Variants in EPC1 observed in about 807,000 individuals in gnomAD.
The protein encoded by EPC1 is enhancer of polycomb 1, also known as enhancer of polycomb homolog 1.
In EPC1, 12 loss-of-function variants were observed where a neutral mutation model predicts 98.4. The ratio of observed to expected loss-of-function variants is 0.12; its 90% CI spans 0.08 to 0.20. The LOEUF is 0.20. Ranked by LOEUF, EPC1 falls within the 10% of genes least tolerant of loss-of-function variation. EPC1 has a pLI of 1.00. For missense variants in EPC1, 729 were observed against 990.5 expected (o/e 0.74, Z 3.54); for synonymous variants, 357 against 363.9 (o/e 0.98, Z 0.21).
intron 11 of EPC1, among the ~76,000 whole-genome samples, chr10:32,272,788 A>G (rs1835903424): frequency 6.6e-6 from 1 of 152,240 alleles, no homozygotes; most frequent in Admixed American, 6.5e-5. Context: ...CTTTAGGTTT[A>G]AAAGTTATCT....
rs115229739 is a variant in EPC1, at chr10:32,322,821, A to C, written c.154-16890T>G. ...ACAGAGAATAAAGTGATGGTTACCA[A>C]AGGCTGGGAAGGGTAGTGGGGAGGG... On this transcript the variant is annotated intron_variant, in intron 1 of 13. Transcript: ENST00000319778. 8.0e-3 allele frequency among the ~76,000 whole-genome samples: 1,217 copies of C among 152,212 alleles called. 20 individuals carry two copies. Among genetic ancestry groups the C allele is most frequent in the African/African-American group, 0.026 (1,088 of 41,548 alleles).
At chr10:32,309,552 T>A (rs1393955018) in intron 1 of EPC1, among the ~76,000 whole-genome samples, 2 of 151,524 alleles carry the variant, frequency 1.3e-5, no homozygotes, top group Non-Finnish European at 2.9e-5. Flanking sequence ...GTATTTAATG[T>A]GTTTTAAACA....
intron 10 of EPC1, among the ~76,000 whole-genome samples, chr10:32,279,314 C>A (rs1216203379): frequency 6.6e-6 from 1 of 150,392 alleles, no homozygotes; most frequent in Non-Finnish European, 1.5e-5. Flanking sequence ...TGCTACTGCA[C>A]TCCAGCCTGG....
chr10:32,283,159 C>A (rs1836496813), intron 10 of EPC1: 1 of 152,180 alleles, frequency 6.6e-6, no homozygotes, highest in South Asian at 2.1e-4. Flanking sequence ...GTTTGAACTG[C>A]CTGGGTCTAC....
Position 32,364,728 on chromosome 10 carries a change from C to G in EPC1, c.3+13763G>C, listed in dbSNP as rs1564568415. Among the ~76,000 whole-genome samples, 3 of 152,108 alleles carry G rather than the reference C, an allele frequency of 2.0e-5. No individual in the cohort carries two copies. In the East Asian group the frequency reaches 5.8e-4, roughly 29 times the overall value. ...CAAGAAAAGATAATTTACTTTGAGA[C>G]ATGTGATTTCTAAAGAAACTATGCC... On this transcript the variant is annotated intron_variant, in intron 1 of 13. Coordinates refer to the EPC1 transcript ENST00000375110.
Position 32,291,185 on chromosome 10 carries a change from A to G in EPC1, c.953T>C (p.Val318Ala), listed in dbSNP as rs753715664. 3 of 1,613,764 alleles carry G rather than the reference A, an allele frequency of 1.9e-6. No individual in the cohort carries two copies. In the South Asian group the frequency reaches 3.3e-5, roughly 18 times the overall value. Residue 318 changes from valine (V) to alanine (A), a missense_variant, in exon 6 of 14, where the codon GTG (valine) becomes GCG (alanine). Around this residue, in one of 6 missense-constraint regions of EPC1, gnomAD observed 390 missense variants for 438.6 expected, o/e 0.89. Transcript: ENST00000319778. ...SQFKHQEAMD[V>A]KEFKVNKQDK... ...CACCTTATTAACTTTGAACTCCTTC[A>G]CATCCATTGCTTCCTGGTGTTTAAA...
chr10:32,325,643 A>G (rs1015503914), intron 1 of EPC1, among the ~76,000 whole-genome samples: 4 of 152,258 alleles, frequency 2.6e-5, no homozygotes, highest in East Asian at 1.9e-4. Flanking sequence ...CAAAAATATT[A>G]AGTAAACCAT....
intron 11 of EPC1, 77 bp downstream of exon 11, chr10:32,273,086 T>A (rs1835916974): frequency 6.2e-7 from 1 of 1,614,046 alleles, no homozygotes; most frequent in African/African-American, 1.3e-5. Context: ...CAAGGTTCTA[T>A]GACAACAGTT....
chr10:32,377,889 C>T (rs1839901974), intron 1 of EPC1, among the ~76,000 whole-genome samples: 1 of 152,096 alleles, frequency 6.6e-6, no homozygotes. Flanking sequence ...GATAGACCTG[C>T]AAAGATTATC....
In EPC1 at chr10:32,296,343, G is replaced by C. The variant is rs567795511; in HGVS notation, c.314-2606C>G. ...TCACATGTCAAACCACAATCACAAAGCCTAATTATTCATTAAAACAAAATG... is the reference window on the plus strand; with the variant it reads ...TCACATGTCAAACCACAATCACAAACCCTAATTATTCATTAAAACAAAATG... On this transcript the variant is annotated intron_variant, in intron 2 of 13. Coordinates refer to ENST00000319778, the MANE Select transcript of EPC1 (RefSeq NM_001272004.3). Among the ~76,000 whole-genome samples, 3 of 152,190 alleles carry C rather than the reference G, an allele frequency of 2.0e-5. No individual in the cohort carries two copies. In the South Asian group the frequency reaches 6.2e-4, roughly 32 times the overall value.
chr10:32,296,132 C>G (rs566875193), intron 2 of EPC1, among the ~76,000 whole-genome samples: 3 of 152,112 alleles, frequency 2.0e-5, no homozygotes, highest in African/African-American at 7.2e-5. Context: ...GGGGTTTCAC[C>G]ATCTTGGCCA....
At chr10:32,323,141 AAAGAG>A (rs1418517786) in intron 1 of EPC1, among the ~76,000 whole-genome samples, 1 of 152,264 alleles carries the variant, frequency 6.6e-6, no homozygotes, top group East Asian at 1.9e-4. Context: ...ATTTTTTTAA[AAAGAG>A]AAGTATATAC....
At chr10:32,312,235 C>T (rs770667654) in intron 1 of EPC1, among the ~76,000 whole-genome samples, 22 of 152,102 alleles carry the variant, frequency 1.4e-4, no homozygotes, top group Non-Finnish European at 2.5e-4. Context: ...TTTCTACGAG[C>T]AATAGCGGCT....
chr10:32,293,027 C>T lies in EPC1; in HGVS notation c.627G>A (p.Val209=). 6.2e-7 allele frequency: 1 copy of T among 1,606,796 alleles called. No homozygotes were observed. ...RDGSSTNDPY[V]AFRRRTEKMQ... is the part of the protein sequence containing the mutation. The stretch of plus-strand genomic sequence containing the variant: ...TTTTTTCAGTACGCCTTCTAAAAGC[C>T]ACATAAGGATCATTTGTGCTGGAAC... Residue 209 remains valine (V), a synonymous_variant, in exon 4 of 14, where the codon GTG becomes GTA. Coordinates refer to ENST00000319778, the MANE Select transcript of EPC1 (RefSeq NM_001272004.3).
intron 1 of EPC1, among the ~76,000 whole-genome samples, chr10:32,352,388 C>T (rs1030075953): frequency 6.6e-6 from 1 of 152,066 alleles, no homozygotes; most frequent in Non-Finnish European, 1.5e-5. Flanking sequence ...CCTGTCCTGC[C>T]TCAGACTGTC....
intron 6 of EPC1, among the ~76,000 whole-genome samples, chr10:32,290,286 C>T (rs1216494569): frequency 6.6e-6 from 1 of 151,760 alleles, no homozygotes; most frequent in East Asian, 1.9e-4. Flanking sequence ...GTTTTGAGAC[C>T]AGCCTGGCCA....
At chr10:32,341,286 T>C (rs1838329000) in intron 1 of EPC1, among the ~76,000 whole-genome samples, 1 of 151,846 alleles carries the variant, frequency 6.6e-6, no homozygotes, top group Non-Finnish European at 1.5e-5. Context: ...ACTCTTGCCA[T>C]TACTAAGTGC....
chr10:32,343,792 T>A lies in EPC1; in HGVS notation c.153+2971A>T, dbSNP rs527680992. ...GCTCATAGTATTAAAACTGGTTAAA[T>A]GGGAATACACGAATAATACTTATTT... On this transcript the variant is annotated intron_variant, in intron 1 of 13. Coordinates refer to ENST00000319778, the MANE Select transcript of EPC1 (RefSeq NM_001272004.3). 2.0e-5 allele frequency among the ~76,000 whole-genome samples: 3 copies of A among 152,072 alleles called. No individual in the cohort carries two copies. The South Asian group carries it at 6.2e-4, about 32-fold the overall frequency.
chr10:32,308,595 C>G (rs1225311855), intron 1 of EPC1, among the ~76,000 whole-genome samples: 3 of 152,126 alleles, frequency 2.0e-5, no homozygotes, highest in Non-Finnish European at 2.9e-5. Flanking sequence ...AAATAGTGAG[C>G]CATCTGTCCT....
Sources: gnomAD v4.1 joint callset for allele counts (sites outside exome capture counted in the v4.1 genomes callset) on GRCh38, gnomAD v4.1.1 for gene constraint, gnomAD v4.1.1 regional missense constraint, MANE v1.5 for transcripts, NCBI Gene and HGNC (gene_info 2026-07-23, HGNC 2026-07-21) for gene names.